RYR3: variants seen among roughly 807,000 people sequenced by gnomAD.
RYR3 encodes ryanodine receptor 3.
A neutral mutation model predicts 584.3 loss-of-function variants in RYR3; 207 were observed. That is an observed-to-expected ratio of 0.35 (90% CI 0.32 to 0.40). The LOEUF is 0.40. Among genes scored for constraint, RYR3 ranks in the 10% least tolerant of loss-of-function variants. The pLI is 1.00. For synonymous variants in RYR3, 2,416 were observed against 2,248.5 expected (o/e 1.07, Z -2.11); for missense variants, 5,616 against 6,089.2 (o/e 0.92, Z 2.59).
intron 43 of RYR3, among the ~76,000 whole-genome samples, chr15:33,715,951 G>A (rs879088727): frequency 1.3e-5 from 2 of 152,146 alleles, no homozygotes; most frequent in African/African-American, 4.8e-5. Context: ...TTCTCATCCC[G>A]AATGTTGGAG....
At chr15:33,627,750 C>T (rs901910623) in intron 20 of RYR3, among the ~76,000 whole-genome samples, 1 of 152,106 alleles carries the variant, frequency 6.6e-6, no homozygotes, top group African/African-American at 2.4e-5. Context: ...AGACTTGTCC[C>T]ACTGGTTGCA....
intron 3 of RYR3, among the ~76,000 whole-genome samples, chr15:33,518,658 C>T (rs954965964): frequency 6.6e-6 from 1 of 152,204 alleles, no homozygotes. Flanking sequence ...GGTGCTCGCT[C>T]TGTCCGGGTC....
Position 33,646,544 on chromosome 15 carries a change from A to C in RYR3, c.3941+18A>C. 1 of 1,594,128 alleles carries C rather than the reference A, an allele frequency of 6.3e-7. No individual in the cohort carries two copies. The highest frequency in any genetic ancestry group is 2.2e-5 in the East Asian group (1 of 44,494). Reference sequence around the variant, plus strand: ...CAGAAAAGGTGAGGGTGAGGCCTCCAGTTCTCAGAGGCACTCATTGTATCT... The same window carrying C: ...CAGAAAAGGTGAGGGTGAGGCCTCCCGTTCTCAGAGGCACTCATTGTATCT... On this transcript the variant is annotated intron_variant, in intron 29 of 103. Transcript: ENST00000634891.
At position 33,802,665 on chromosome 15, in the gene RYR3, G is replaced by A. The variant is rs2075982143; in HGVS notation, c.10011+704G>A. 2.6e-5 allele frequency among the ~76,000 whole-genome samples: 4 copies of A among 152,166 alleles called. 1 individual carries two copies. In the South Asian group the frequency reaches 8.3e-4, roughly 31 times the overall value. ...TTATTTTGATTTAAGAGACTTCTCA[G>A]ACGTACTCCTTCAAGTGTACATACA... On this transcript the variant is annotated intron_variant, in intron 69 of 103. Coordinates refer to ENST00000634891, the MANE Select transcript of RYR3 (RefSeq NM_001036.6).
intron 1 of RYR3, among the ~76,000 whole-genome samples, chr15:33,324,711 G>A (rs866730561): frequency 2.0e-5 from 3 of 152,212 alleles, no homozygotes; most frequent in South Asian, 2.1e-4. Flanking sequence ...TGTTGAAAGA[G>A]TTAGTAAATC....
chr15:33,470,295 G>A (rs2048826123), intron 1 of RYR3, among the ~76,000 whole-genome samples: 1 of 152,070 alleles, frequency 6.6e-6, no homozygotes, highest in East Asian at 1.9e-4. Flanking sequence ...AAGATGGGAG[G>A]TATGGTTATT....
intron 38 of RYR3, among the ~76,000 whole-genome samples, chr15:33,682,559 T>C (rs1228254979): frequency 6.6e-6 from 1 of 152,222 alleles, no homozygotes; most frequent in Non-Finnish European, 1.5e-5. Flanking sequence ...ATGTTAATAA[T>C]AATCTCATAA....
chr15:33,594,265 C>A (rs2059270046), intron 16 of RYR3, among the ~76,000 whole-genome samples: 1 of 152,180 alleles, frequency 6.6e-6, no homozygotes, highest in African/African-American at 2.4e-5. Context: ...ACCAGTGTAT[C>A]CAACTGTGCC....
At chr15:33,784,694 T>C (rs1465400479) in intron 65 of RYR3, among the ~76,000 whole-genome samples, 1 of 152,180 alleles carries the variant, frequency 6.6e-6, no homozygotes, top group East Asian at 1.9e-4. Context: ...TGCAAACCTT[T>C]GGGCTTGTGG....
intron 64 of RYR3, among the ~76,000 whole-genome samples, chr15:33,777,722 G>C (rs185227647): frequency 6.6e-6 from 1 of 151,158 alleles, no homozygotes; most frequent in Admixed American, 6.6e-5. Flanking sequence ...CTGCCTTCGT[G>C]TCTGACTAAC....
intron 11 of RYR3, among the ~76,000 whole-genome samples, chr15:33,564,197 G>T (rs1008825548): frequency 6.6e-6 from 1 of 152,172 alleles, no homozygotes; most frequent in Non-Finnish European, 1.5e-5. Flanking sequence ...GGGACTCGAG[G>T]TGCCAAGAGT....
In RYR3 at chr15:33,722,795, G is replaced by A. The variant is rs758274972; in HGVS notation, c.6700G>A (p.Gly2234Ser). 3.1e-6 allele frequency: 5 copies of A among 1,613,300 alleles called. No homozygotes were observed. In the South Asian group the frequency reaches 4.4e-5, roughly 14 times the overall value. The change falls in exon 44 of 104, where the codon GGT (glycine) becomes AGT (serine). Residue 2234 changes from glycine to serine, a missense_variant. By Grantham distance (56) the Gly-to-Ser change is moderately conservative (BLOSUM62 0). Coordinates refer to ENST00000634891, the MANE Select transcript of RYR3 (RefSeq NM_001036.6). ...RPECFGPALR[G>S]EGGNGLLAAM... Reference sequence around the variant, plus strand: ...AGAGTGCTTCGGCCCGGCCCTGCGGGGTGAGGGGGGAAACGGGCTCTTGGC... The same window carrying A: ...AGAGTGCTTCGGCCCGGCCCTGCGGAGTGAGGGGGGAAACGGGCTCTTGGC...
chr15:33,368,906 A>C (rs774450033), intron 1 of RYR3, among the ~76,000 whole-genome samples: 26 of 152,130 alleles, frequency 1.7e-4, no homozygotes, highest in African/African-American at 4.1e-4. Context: ...TACCTGCTTC[A>C]ATCCACCTCA....
chr15:33,498,749 G>C (rs1013575619), intron 2 of RYR3, among the ~76,000 whole-genome samples: 1 of 151,882 alleles, frequency 6.6e-6, no homozygotes, highest in Non-Finnish European at 1.5e-5. Flanking sequence ...TAAAATATTT[G>C]TCCACACCAA....
At chr15:33,743,921 T>C (rs2070421632) in intron 52 of RYR3, among the ~76,000 whole-genome samples, 1 of 152,234 alleles carries the variant, frequency 6.6e-6, no homozygotes, top group Admixed American at 6.5e-5. Context: ...TCATAATTTC[T>C]AACTATTCTG....
intron 1 of RYR3, among the ~76,000 whole-genome samples, chr15:33,404,970 C>A (rs897276883): frequency 1.3e-5 from 2 of 152,324 alleles, no homozygotes; most frequent in African/African-American, 2.4e-5. Context: ...TTGCCACCAA[C>A]TAGCTGTGTG....
intron 1 of RYR3, among the ~76,000 whole-genome samples, chr15:33,313,311 A>C (rs1252238160): frequency 6.6e-6 from 1 of 152,202 alleles, no homozygotes; most frequent in African/African-American, 2.4e-5. Context: ...TACAATGTTC[A>C]ATTACATTCC....
At chr15:33,617,139 G>A (rs2060489053) in intron 19 of RYR3, among the ~76,000 whole-genome samples, 1 of 152,212 alleles carries the variant, frequency 6.6e-6, no homozygotes, top group Admixed American at 6.5e-5. Context: ...TATTGGTCGG[G>A]CGTGGTGGCT....
chr15:33,530,874 A>T (rs182569640), intron 4 of RYR3, among the ~76,000 whole-genome samples: 12 of 152,102 alleles, frequency 7.9e-5, no homozygotes, highest in Non-Finnish European at 2.9e-5. Flanking sequence ...TCAATGTCTG[A>T]TACCCCACCT....
Sources: allele counts gnomAD v4.1 joint callset (sites outside exome capture counted in the v4.1 genomes callset), GRCh38; gene constraint gnomAD v4.1.1; transcripts MANE v1.5; gene names NCBI Gene and HGNC (gene_info 2026-07-23, HGNC 2026-07-21).